The following RBFOX2 variants were observed in gnomAD, a reference collection of about 807,000 sequenced individuals.
The protein encoded by RBFOX2 is RNA binding protein fox-1 homolog 2.
Under a neutral mutation model 49.1 loss-of-function variants are expected in RBFOX2, and 10 were observed. The ratio of observed to expected loss-of-function variants is 0.20; its 90% CI spans 0.13 to 0.35. The LOEUF (loss-of-function observed/expected upper bound fraction) is 0.35. Ranked by LOEUF, RBFOX2 falls within the 10% of genes least tolerant of loss-of-function variation. RBFOX2 has a pLI of 1.00. For missense variants in RBFOX2, 323 were observed against 486.9 expected, an observed-to-expected ratio of 0.66 and a Z score of 3.17; for synonymous variants, 183 against 187.4, an observed-to-expected ratio of 0.98 and a Z score of 0.19.
chr22:36,020,758 G>A (rs1465457157), intron 1 of RBFOX2, among the ~76,000 whole-genome samples: 1 of 152,206 alleles, frequency 6.6e-6, no homozygotes, highest in East Asian at 1.9e-4. Context: ...AGGTGCTGGA[G>A]AGGATGTGGA....
chr22:36,005,692 A>G (rs1220723237), intron 1 of RBFOX2, among the ~76,000 whole-genome samples: 1 of 152,218 alleles, frequency 6.6e-6, no homozygotes, highest in East Asian at 1.9e-4. Context: ...AAAAATCTCT[A>G]GGTCCCCACT....
chr22:35,752,653 A>G lies in RBFOX2; in HGVS notation c.888-6092T>C, dbSNP rs1038838079. The stretch of plus-strand genomic sequence containing the variant: ...GCTAATGATTGGTTCCTGTAAGACT[A>G]TTCTATAACAGAACACAGGAAGAGC... On this transcript the variant is annotated intron_variant, in intron 9 of 11. Transcript: ENST00000405409. 7.1e-6 allele frequency: 7 copies of G among 983,758 alleles called. No homozygotes were observed. In the South Asian group the frequency reaches 3.3e-4, roughly 46 times the overall value. 60.9% of individuals were successfully genotyped at this position (983,758 alleles called of 1,614,324 possible).
intron 1 of RBFOX2, among the ~76,000 whole-genome samples, chr22:35,894,474 C>T (rs574047493): frequency 6.6e-6 from 1 of 152,242 alleles, no homozygotes; most frequent in South Asian, 2.1e-4. Flanking sequence ...AAACACAAGT[C>T]GATCCTGAGC....
In RBFOX2 at chr22:35,938,838, G is replaced by A; in HGVS notation, c.-34+9C>T. The A allele has an allele frequency of 6.2e-7, 1 of 1,612,238 alleles. No individual in the cohort carries two copies. The highest frequency in any genetic ancestry group is 1.1e-5 in the South Asian group (1 of 91,044). ...TACATCATCTGAGTTACAAACAGCA[G>A]ATACCAACCTGGCTGTCCCGCGCTG... On this transcript the variant is annotated intron_variant, in intron 1 of 13. Transcript: ENST00000359369.
At chr22:36,018,874 A>T (rs1603468017) in intron 1 of RBFOX2, among the ~76,000 whole-genome samples, 1 of 152,158 alleles carries the variant, frequency 6.6e-6, no homozygotes, top group Non-Finnish European at 1.5e-5. Context: ...TCAGCCTCCC[A>T]AAGTGCTGGG....
At chr22:35,961,640 T>C in exon 1 of RBFOX2, 1 of 1,304,198 alleles carries the variant, frequency 7.7e-7, no homozygotes, top group Non-Finnish European at 1.0e-6. Flanking sequence ...TAAACCCTGC[T>C]GCTCTCCCCT....
exon 12 of RBFOX2, chr22:35,740,426 C>T (rs1157244761): frequency 1.3e-5 from 2 of 152,570 alleles, no homozygotes; most frequent in African/African-American, 4.8e-5. Flanking sequence ...TAAAAACACA[C>T]AAATTTACGT....
chr22:35,760,090 G>C (rs1488793854), intron 8 of RBFOX2, 70 bp from the exon 10 acceptor site: 25 of 1,568,560 alleles, frequency 1.6e-5, no homozygotes, highest in Non-Finnish European at 2.0e-5. Flanking sequence ...GTCACAACTT[G>C]CTATGAACCA....
At chr22:35,858,480 T>C (rs1025944753) in intron 1 of RBFOX2, among the ~76,000 whole-genome samples, 28 of 152,182 alleles carry the variant, frequency 1.8e-4, no homozygotes, top group African/African-American at 6.5e-4. Flanking sequence ...ATTGATTAGA[T>C]GAATTCTCTA....
At chr22:35,952,780 C>T (rs2055094131) in intron 1 of RBFOX2, among the ~76,000 whole-genome samples, 2 of 152,110 alleles carry the variant, frequency 1.3e-5, no homozygotes, top group African/African-American at 4.8e-5. Flanking sequence ...AAGAGATTGG[C>T]AGTTCTTCAA....
intron 1 of RBFOX2, among the ~76,000 whole-genome samples, chr22:36,013,760 C>G (rs2058924921): frequency 6.6e-6 from 1 of 151,730 alleles, no homozygotes; most frequent in African/African-American, 2.4e-5. Flanking sequence ...GCAAAAAATA[C>G]AGAGAGTATG....
At chr22:35,747,867 T>C (rs1933356534) in intron 9 of RBFOX2, 1 of 152,232 alleles carries the variant, frequency 6.6e-6, no homozygotes. Flanking sequence ...TTTTTTCAAA[T>C]GTTCGATTTT....
chr22:35,871,659 C>T (rs1263490289), intron 1 of RBFOX2, among the ~76,000 whole-genome samples: 1 of 152,122 alleles, frequency 6.6e-6, no homozygotes, highest in Non-Finnish European at 1.5e-5. Context: ...GGAATACCAT[C>T]AAACTCAAAG....
At chr22:35,754,961 C>A (rs539894964) in intron 9 of RBFOX2, among the ~76,000 whole-genome samples, 28 of 152,264 alleles carry the variant, frequency 1.8e-4, no homozygotes, top group Non-Finnish European at 3.1e-4. Flanking sequence ...GGTGAGTCAC[C>A]TGTATTTCGA....
At chr22:35,849,288 TACAC>T (rs1451264647) in intron 1 of RBFOX2, among the ~76,000 whole-genome samples, 1 of 96,852 alleles carries the variant, frequency 1.0e-5, no homozygotes. Flanking sequence ...CACACACACA[TACAC>T]ACACAAACAC....
chr22:35,904,024 A>T (rs908353240), intron 1 of RBFOX2, among the ~76,000 whole-genome samples: 1 of 152,066 alleles, frequency 6.6e-6, no homozygotes, highest in Non-Finnish European at 1.5e-5. Context: ...CTCACTTCAT[A>T]CCATATCTCC....
At chr22:36,015,162 G>A (rs138987551) in intron 1 of RBFOX2, among the ~76,000 whole-genome samples, 47 of 152,262 alleles carry the variant, frequency 3.1e-4, no homozygotes, top group African/African-American at 8.7e-4. Context: ...AGTCTTGGAT[G>A]ATATCAAAAT....
At chr22:35,982,155 A>C (rs2057487488) in intron 1 of RBFOX2, among the ~76,000 whole-genome samples, 1 of 152,164 alleles carries the variant, frequency 6.6e-6, no homozygotes, top group Non-Finnish European at 1.5e-5. Flanking sequence ...GGGAATAGAT[A>C]ATCTGATGCT....
chr22:35,847,174 T>C (rs1319874469), intron 1 of RBFOX2, among the ~76,000 whole-genome samples: 1 of 152,302 alleles, frequency 6.6e-6, no homozygotes, highest in East Asian at 1.9e-4. Flanking sequence ...TTTAAACTAA[T>C]TTGGCCAGAC....
Sources: gnomAD v4.1 joint callset for allele counts (sites outside exome capture counted in the v4.1 genomes callset) on GRCh38, gnomAD v4.1.1 for gene constraint, MANE v1.5 for transcripts, NCBI Gene and HGNC (gene_info 2026-07-23, HGNC 2026-07-21) for gene names.